PRKCZ: variants seen among roughly 807,000 people sequenced by gnomAD.
PRKCZ encodes protein kinase C zeta.
Under a neutral mutation model 79.5 loss-of-function variants are expected in PRKCZ, and 33 were observed. The ratio of observed to expected loss-of-function variants is 0.41; its 90% CI spans 0.31 to 0.55. The LOEUF (loss-of-function observed/expected upper bound fraction) is 0.55. Among genes scored for constraint, PRKCZ ranks in the 20% least tolerant of loss-of-function variants. The probability of loss-of-function intolerance (pLI) is 0.19; values close to 1 mark genes in which losing one functional copy is unlikely to be tolerated. For synonymous variants in PRKCZ, 342 were observed against 320.9 expected (o/e 1.07, Z -0.70); for missense variants, 578 against 813.5 (o/e 0.71, Z 3.52).
rs1478634579 is a variant in PRKCZ at position 2,125,462 on chromosome 1, G to A, written c.335-9800G>A. Among the ~76,000 whole-genome samples, 3 of 152,212 alleles carry A rather than the reference G, an allele frequency of 2.0e-5. No homozygotes were observed. The highest frequency in any genetic ancestry group is 6.5e-5 in the Admixed American group (1 of 15,284). On this transcript the variant is annotated intron_variant, in intron 4 of 17. Coordinates refer to ENST00000378567, the MANE Select transcript of PRKCZ (RefSeq NM_002744.6). The surrounding 1 kb of genome is among the most constrained non-coding windows in gnomAD (Gnocchi z 4.2). ...GCTGCTGACAGCAGCATTTGAGGAC[G>A]GTGGGGCGGAGGACATCCTGGGGGG... is the stretch of plus-strand genomic sequence containing the variant.
Position 2,168,801 on chromosome 1 carries a change from T to TA in PRKCZ, c.975-710dup, listed in dbSNP as rs977534268. On this transcript the variant is annotated intron_variant, in intron 10 of 17. Transcript: ENST00000378567. The surrounding 1 kb of genome is among the most constrained non-coding windows in gnomAD (Gnocchi z 4.7). ...TCAGGTGCCAGAGGAGCCGCTGACC[T>TA]AAAAAAACCCGCCACAGGGTATTTC... is the stretch of plus-strand genomic sequence containing the variant. 245 of 196,894 alleles carry TA rather than the reference T, an allele frequency of 1.2e-3. 1 individual carries two copies. The highest frequency in any genetic ancestry group is 5.0e-3 in the African/African-American group (212 of 42,574). The allele number at this position is 196,894 out of a possible 1,614,324, so 12.2% of individuals were successfully genotyped here.
At chr1:2,065,849 A>G (rs974163323) in intron 4 of PRKCZ, among the ~76,000 whole-genome samples, 4 of 152,068 alleles carry the variant, frequency 2.6e-5, no homozygotes, top group East Asian at 1.9e-4. Flanking sequence ...AAGTTTGTCA[A>G]TTGTTTTTAT....
At chr1:2,115,462 G>A (rs548459817) in intron 4 of PRKCZ, among the ~76,000 whole-genome samples, 27 of 152,338 alleles carry the variant, frequency 1.8e-4, no homozygotes, top group African/African-American at 5.5e-4. Flanking sequence ...AGTTATGTGG[G>A]GTTTTCTGCA....
intron 4 of PRKCZ, among the ~76,000 whole-genome samples, chr1:2,113,013 CT>C (rs1368490032): frequency 2.6e-5 from 4 of 152,200 alleles, no homozygotes; most frequent in Non-Finnish European, 4.4e-5. Context: ...ACATTTGTGA[CT>C]TACAGTCATC....
intron 11 of PRKCZ, among the ~76,000 whole-genome samples, chr1:2,170,667 C>T (rs1327074428): frequency 6.6e-6 from 1 of 152,216 alleles, no homozygotes; most frequent in Non-Finnish European, 1.5e-5. Context: ...AGCCTCACAT[C>T]CTCACCCCAG....
intron 4 of PRKCZ, among the ~76,000 whole-genome samples, chr1:2,103,338 G>A (rs924949277): frequency 1.6e-4 from 25 of 152,376 alleles, no homozygotes; most frequent in Non-Finnish European, 3.1e-4. Flanking sequence ...CACAGCTGCC[G>A]CAGTAGTAAG....
At chr1:2,176,197 A>C (rs1685468769) in intron 16 of PRKCZ, among the ~76,000 whole-genome samples, 1 of 152,066 alleles carries the variant, frequency 6.6e-6, no homozygotes, top group South Asian at 2.1e-4. Flanking sequence ...CTCTCCTGTG[A>C]TGAGGGGCGG....
At chr1:2,184,426 G>C (rs556946138) in intron 16 of PRKCZ, 157 bp from the exon 17 acceptor site, 6 of 594,452 alleles carry the variant, frequency 1.0e-5, no homozygotes, top group African/African-American at 7.5e-5. Context: ...TCTAGATTTT[G>C]TGTTGTAAGA....
rs142655985 is a variant in PRKCZ at position 2,175,284 on chromosome 1, G to C, written c.1546G>C (p.Ala516Pro). The C allele has an allele frequency of 6.2e-7, 1 of 1,613,690 alleles. No individual in the cohort carries two copies. The highest frequency in any genetic ancestry group is 2.2e-5 in the East Asian group (1 of 44,884). The change falls in exon 16 of 18, where the codon GCG (alanine) becomes CCG (proline). Residue 516 changes from alanine (A) to proline (P), a missense_variant. Physicochemically the swap from Ala to Pro is conservative, Grantham distance 27. Around this residue, in one of 4 missense-constraint regions of PRKCZ, gnomAD observed 243 missense variants for 467.0 expected, o/e 0.52. Coordinates refer to ENST00000378567, the MANE Select transcript of PRKCZ (RefSeq NM_002744.6). Reference protein sequence around the residue: ...QTGFSDIKSHAFFRSIDWDLL... With the variant: ...QTGFSDIKSHPFFRSIDWDLL... ...TGGATTTTCTGACATCAAGTCCCAC[G>C]CGTTCTTCCGCAGCATAGACTGGGA...
intron 4 of PRKCZ, among the ~76,000 whole-genome samples, chr1:2,111,256 C>T (rs930017649): frequency 1.3e-5 from 2 of 151,994 alleles, no homozygotes; most frequent in Non-Finnish European, 2.9e-5. Flanking sequence ...GAGAAGGTGT[C>T]TTTGGACCAC....
At chr1:2,120,900 G>T in intron 4 of PRKCZ, among the ~76,000 whole-genome samples, 1 of 134,040 alleles carries the variant, frequency 7.5e-6, no homozygotes, top group Non-Finnish European at 1.5e-5. Context: ...TGCAACCTCC[G>T]CCTCCCAGGT....
chr1:2,159,071 G>A (rs989912412), intron 10 of PRKCZ, among the ~76,000 whole-genome samples: 3 of 151,764 alleles, frequency 2.0e-5, no homozygotes, highest in Admixed American at 2.0e-4. Context: ...GACTACAGGC[G>A]CCTGCCACTA....
chr1:2,105,027 C>A, intron 4 of PRKCZ: 1 of 612,840 alleles, frequency 1.6e-6, no homozygotes, highest in Non-Finnish European at 2.0e-6. Context: ...CCTGTGAGTT[C>A]AGACTTCTCA....
chr1:2,104,894 G>A, intron 4 of PRKCZ: 7 of 985,458 alleles, frequency 7.1e-6, no homozygotes, highest in Non-Finnish European at 8.4e-6. Context: ...GCAGTTTTCA[G>A]GGTGAGTAGC....
At chr1:2,063,966 C>T (rs1399609097) in intron 4 of PRKCZ, among the ~76,000 whole-genome samples, 1 of 151,938 alleles carries the variant, frequency 6.6e-6, no homozygotes, top group Admixed American at 6.6e-5. Context: ...CTGTCTCAGC[C>T]TCCTGAGTAG....
intron 4 of PRKCZ, among the ~76,000 whole-genome samples, chr1:2,089,896 TA>T (rs79100542): frequency 2.0e-5 from 3 of 151,402 alleles, no homozygotes; most frequent in Non-Finnish European, 4.4e-5. Context: ...GAGATCCCAT[TA>T]AAAAAAATCC....
intron 4 of PRKCZ, among the ~76,000 whole-genome samples, chr1:2,100,034 T>C (rs916440092): frequency 7.9e-5 from 12 of 152,174 alleles, no homozygotes; most frequent in Admixed American, 3.3e-4. Context: ...TCTCATCTTC[T>C]GTAAGAGCCT....
intron 4 of PRKCZ, among the ~76,000 whole-genome samples, chr1:2,114,802 C>G (rs1272262045): frequency 1.3e-5 from 2 of 152,128 alleles, no homozygotes; most frequent in African/African-American, 4.8e-5. Context: ...AAAGAAAAAG[C>G]TAAGATGCAG....
intron 4 of PRKCZ, among the ~76,000 whole-genome samples, chr1:2,060,775 A>G (rs945168826): frequency 3.3e-5 from 5 of 152,026 alleles, no homozygotes; most frequent in Admixed American, 2.0e-4. Flanking sequence ...GGCGGACACC[A>G]CCAGGTGGTT....
Sources: gnomAD v4.1 joint callset for allele counts (sites outside exome capture counted in the v4.1 genomes callset) on GRCh38, gnomAD v4.1.1 for gene constraint, gnomAD v4.1.1 regional missense constraint, Gnocchi (gnomAD v3.1) non-coding constraint, MANE v1.5 for transcripts, NCBI Gene and HGNC (gene_info 2026-07-23, HGNC 2026-07-21) for gene names.